XRCC4: variants seen among roughly 807,000 people sequenced by gnomAD.
XRCC4 encodes X-ray repair cross complementing 4.
A neutral mutation model predicts 39.1 loss-of-function variants in XRCC4; 28 were observed. The observed-to-expected ratio is 0.72, with a 90% CI of 0.53 to 0.98. XRCC4 has a LOEUF of 0.98. XRCC4 is among the 50% of genes least tolerant of loss of function. The pLI, the probability that XRCC4 is intolerant of heterozygous loss-of-function variation, is 0.00. For synonymous variants in XRCC4, 123 were observed against 126.4 expected (o/e 0.97, Z 0.18); for missense variants, 350 against 376.4 (o/e 0.93, Z 0.58).
intron 7 of XRCC4, among the ~76,000 whole-genome samples, chr5:83,325,215 C>G (rs910446876): frequency 6.6e-6 from 1 of 152,098 alleles, no homozygotes; most frequent in Non-Finnish European, 1.5e-5. Flanking sequence ...GCCAGATTCT[C>G]TTACTACTTA....
chr5:83,362,784 A>T, the XRCC4 span, among the ~76,000 whole-genome samples: 1 of 152,146 alleles, frequency 6.6e-6, no homozygotes, highest in Non-Finnish European at 1.5e-5. Context: ...TTTCACTTTT[A>T]TTATTCTCTG....
chr5:83,226,201 G>A (rs542046895), intron 6 of XRCC4, among the ~76,000 whole-genome samples: 204 of 152,178 alleles, frequency 1.3e-3, no homozygotes, highest in South Asian at 2.7e-3. Context: ...CAGTTCCTTA[G>A]GTAGATGTTG....
intron 6 of XRCC4, among the ~76,000 whole-genome samples, chr5:83,223,617 C>G (rs1171691100): frequency 6.6e-6 from 1 of 151,576 alleles, no homozygotes; most frequent in Non-Finnish European, 1.5e-5. Context: ...TCTGTATGAC[C>G]TTACAGATGA....
chr5:83,314,205 CAAAT>C (rs1471822039), intron 7 of XRCC4, among the ~76,000 whole-genome samples: 1 of 152,000 alleles, frequency 6.6e-6, no homozygotes, highest in Non-Finnish European at 1.5e-5. Flanking sequence ...TTGTATCAGT[CAAAT>C]AAATAAATTA....
At chr5:83,347,317 G>A (rs1561486234) in intron 7 of XRCC4, among the ~76,000 whole-genome samples, 1 of 152,124 alleles carries the variant, frequency 6.6e-6, no homozygotes, top group Non-Finnish European at 1.5e-5. Flanking sequence ...CTGCTATAAA[G>A]ACATGTCTGA....
intron 3 of XRCC4, among the ~76,000 whole-genome samples, chr5:83,129,477 A>G (rs558787964): frequency 6.9e-4 from 105 of 152,206 alleles, no homozygotes; most frequent in African/African-American, 2.5e-3. Context: ...TTGGTTCCAT[A>G]TGAACTTTAA....
intron 7 of XRCC4, among the ~76,000 whole-genome samples, chr5:83,268,003 C>T (rs1268208113): frequency 6.6e-6 from 1 of 152,030 alleles, no homozygotes; most frequent in Non-Finnish European, 1.5e-5. Flanking sequence ...AGGTTTTGAA[C>T]CAAATAATGG....
chr5:83,289,702 C>T (rs748582233), intron 7 of XRCC4, among the ~76,000 whole-genome samples: 2 of 151,782 alleles, frequency 1.3e-5, no homozygotes, highest in Non-Finnish European at 2.9e-5. Flanking sequence ...AAGTATTTCT[C>T]TGGTGTTGTA....
chr5:83,208,359 A>G (rs1751499506), intron 6 of XRCC4, among the ~76,000 whole-genome samples: 1 of 152,050 alleles, frequency 6.6e-6, no homozygotes, highest in Non-Finnish European at 1.5e-5. Context: ...TTAATAATCA[A>G]ATGTAGAAAT....
At chr5:83,278,711 C>T (rs115666921) in intron 7 of XRCC4, among the ~76,000 whole-genome samples, 6,462 of 151,978 alleles carry the variant, frequency 0.043, 475 homozygotes, top group African/African-American at 0.15. Context: ...TGAGGCCAGG[C>T]GCAGTGGCTC....
At chr5:83,199,813 G>T (rs1422512594) in intron 4 of XRCC4, among the ~76,000 whole-genome samples, 1 of 151,940 alleles carries the variant, frequency 6.6e-6, no homozygotes, top group Non-Finnish European at 1.5e-5. Context: ...ATACCTCAGT[G>T]CTAGGTTGCT....
chr5:83,316,308 C>A (rs1003582109), intron 7 of XRCC4, among the ~76,000 whole-genome samples: 2 of 152,060 alleles, frequency 1.3e-5, no homozygotes, highest in South Asian at 2.1e-4. Context: ...CGAGCAAAAT[C>A]ACCAGCTAAC....
intron 7 of XRCC4, among the ~76,000 whole-genome samples, chr5:83,301,029 T>C (rs774768510): frequency 2.0e-5 from 3 of 152,196 alleles, no homozygotes; most frequent in Non-Finnish European, 4.4e-5. Flanking sequence ...TGAACAGTGC[T>C]GCAATAAACA....
At chr5:83,089,474 A>G (rs573214501) in intron 1 of XRCC4, among the ~76,000 whole-genome samples, 1 of 152,154 alleles carries the variant, frequency 6.6e-6, no homozygotes, top group Non-Finnish European at 1.5e-5. Context: ...CATAACTCCA[A>G]TTCTCTAACA....
chr5:83,079,447 T>A (rs370779284), intron 1 of XRCC4, among the ~76,000 whole-genome samples: 2 of 152,196 alleles, frequency 1.3e-5, no homozygotes, highest in Non-Finnish European at 2.9e-5. Flanking sequence ...AGCTTTGCAG[T>A]GAATCCTCAT....
chr5:83,115,077 C>G (rs992390747), intron 3 of XRCC4, among the ~76,000 whole-genome samples: 3 of 152,064 alleles, frequency 2.0e-5, no homozygotes, highest in Non-Finnish European at 2.9e-5. Context: ...ACAGGAAAGA[C>G]CCACCCCCAT....
chr5:83,228,405 G>A (rs1336293721), intron 6 of XRCC4, among the ~76,000 whole-genome samples: 1 of 151,722 alleles, frequency 6.6e-6, no homozygotes, highest in East Asian at 1.9e-4. Flanking sequence ...TTCTTTCTAG[G>A]GTCCCACTTG....
chr5:83,365,235 C>A, the XRCC4 span, among the ~76,000 whole-genome samples: 1 of 152,164 alleles, frequency 6.6e-6, no homozygotes, highest in South Asian at 2.1e-4. Context: ...CACGCTATAA[C>A]TGATGGACAT....
chr5:83,228,866 C>G (rs910513092), intron 6 of XRCC4, among the ~76,000 whole-genome samples: 1 of 152,010 alleles, frequency 6.6e-6, no homozygotes, highest in Non-Finnish European at 1.5e-5. Context: ...TGTACTGTCT[C>G]CTTTTTCGAT....
Sources: gnomAD v4.1 joint callset for allele counts (sites outside exome capture counted in the v4.1 genomes callset) on GRCh38, gnomAD v4.1.1 for gene constraint, MANE v1.5 for transcripts, NCBI Gene and HGNC (gene_info 2026-07-23, HGNC 2026-07-21) for gene names.